Variants in APBA1 observed in about 807,000 individuals in gnomAD.
APBA1 encodes amyloid-beta A4 precursor protein-binding family A member 1.
In APBA1, 55 loss-of-function variants were observed where a neutral mutation model predicts 86.6. The observed-to-expected ratio is 0.64, with a 90% confidence interval of 0.51 to 0.80. The LOEUF is 0.80. Ranked by LOEUF, APBA1 falls within the 30% of genes least tolerant of loss-of-function variation. APBA1 has a pLI of 0.00. For missense variants in APBA1, 1,090 were observed against 1,183.0 expected (o/e 0.92, Z 1.15); for synonymous variants, 511 against 493.9 (o/e 1.03, Z -0.46).
chr9:69,617,854 TCTTA>T (rs1162641444), intron 1 of APBA1, among the ~76,000 whole-genome samples: 3 of 152,184 alleles, frequency 2.0e-5, no homozygotes, highest in African/African-American at 7.2e-5. Flanking sequence ...TCCTTTTAAA[TCTTA>T]CTTTCTTGCC....
At chr9:69,598,775 A>C (rs1400683482) in intron 1 of APBA1, among the ~76,000 whole-genome samples, 1 of 152,224 alleles carries the variant, frequency 6.6e-6, no homozygotes, top group Non-Finnish European at 1.5e-5. Flanking sequence ...TTGGGCCTGG[A>C]ATACACCAGG....
intron 2 of APBA1, among the ~76,000 whole-genome samples, chr9:69,500,732 A>G (rs1835868857): frequency 6.6e-6 from 1 of 151,946 alleles, no homozygotes; most frequent in African/African-American, 2.4e-5. Context: ...CCAAGACCCA[A>G]CCTCCAGAGG....
chr9:69,521,050 C>T lies in APBA1; in HGVS notation c.-69-3771G>A, dbSNP rs117462778. 3.0e-3 allele frequency among the ~76,000 whole-genome samples: 461 copies of T among 152,320 alleles called. 2 individuals carry two copies. Among genetic ancestry groups the T allele is most frequent in the Non-Finnish European group, 4.6e-3 (316 of 68,030 alleles). ...CCCAGGTACTACTAGGCATTTTCCA[C>T]GTGACACATTTAACCTTCACACTAG... On this transcript the variant is annotated intron_variant, in intron 1 of 12. Transcript: ENST00000265381.
At chr9:69,442,794 A>G (rs923974802) in intron 10 of APBA1, among the ~76,000 whole-genome samples, 1 of 152,254 alleles carries the variant, frequency 6.6e-6, no homozygotes, top group African/African-American at 2.4e-5. Context: ...AATCTTTTTC[A>G]GTGCGAGGTC....
At chr9:69,519,015 T>C (rs148988109) in intron 1 of APBA1, among the ~76,000 whole-genome samples, 2 of 152,362 alleles carry the variant, frequency 1.3e-5, no homozygotes, top group Non-Finnish European at 2.9e-5. Context: ...ACAATCTTTA[T>C]TGCTTCGCTA....
At chr9:69,483,524 G>A (rs2133848989) in intron 2 of APBA1, among the ~76,000 whole-genome samples, 1 of 152,094 alleles carries the variant, frequency 6.6e-6, no homozygotes, top group East Asian at 1.9e-4. Context: ...TGAGCATAGT[G>A]TGAAACAAAC....
rs905149200 is a variant in APBA1 at position 69,449,666 on chromosome 9, A to C, written c.2099T>G (p.Leu700Arg). 8.7e-6 allele frequency: 14 copies of C among 1,614,086 alleles called. No homozygotes were observed. The highest frequency in any genetic ancestry group is 1.1e-5 in the Non-Finnish European group (13 of 1,180,024). Residue 700 changes from leucine (L) to arginine (R), a missense_variant, in exon 10 of 13, where the codon CTG becomes CGG. By Grantham distance (102) the Leu-to-Arg change is moderately radical. This residue lies in a region of APBA1 where 97 missense variants were observed against 166.8 expected (regional missense o/e 0.58). Transcript: ENST00000265381. The part of the protein sequence containing the change: ...HGGPAEKSGK[L>R]NIGDQIMSIN... Reference sequence around the variant, plus strand: ...GGACATGATCTGGTCACCGATATTCAGCTTCCCAGATTTCTCCGCAGGGCC... The same window carrying C: ...GGACATGATCTGGTCACCGATATTCCGCTTCCCAGATTTCTCCGCAGGGCC...
chr9:69,519,391 C>T (rs556520905), intron 1 of APBA1, among the ~76,000 whole-genome samples: 7 of 152,186 alleles, frequency 4.6e-5, no homozygotes, highest in East Asian at 1.9e-4. Context: ...GTTGCTGCTA[C>T]GGGCCTCCAG....
chr9:69,510,359 T>A (rs1363198837), intron 2 of APBA1, among the ~76,000 whole-genome samples: 4 of 150,266 alleles, frequency 2.7e-5, no homozygotes, highest in Non-Finnish European at 5.9e-5. Context: ...GAATCCAACT[T>A]ACAAGGGATG....
At chr9:69,651,475 T>G (rs1235615558) in intron 1 of APBA1, among the ~76,000 whole-genome samples, 7 of 152,100 alleles carry the variant, frequency 4.6e-5, no homozygotes, top group African/African-American at 1.7e-4. Context: ...AATGACTGAC[T>G]GTATTTTTTT....
At chr9:69,663,643 T>C (rs1399426310) in intron 1 of APBA1, among the ~76,000 whole-genome samples, 4 of 152,238 alleles carry the variant, frequency 2.6e-5, no homozygotes, top group Non-Finnish European at 5.9e-5. Context: ...TTATTTGGAA[T>C]GGTGGCCAAT....
chr9:69,611,302 AAAC>A (rs1428268750), intron 1 of APBA1, among the ~76,000 whole-genome samples: 1 of 151,104 alleles, frequency 6.6e-6, no homozygotes, highest in Non-Finnish European at 1.5e-5. Context: ...AAAAAAAAAA[AAAC>A]AAAAAAAAAA....
At chr9:69,567,408 T>A (rs904427564) in intron 1 of APBA1, among the ~76,000 whole-genome samples, 5 of 152,076 alleles carry the variant, frequency 3.3e-5, no homozygotes, top group Non-Finnish European at 5.9e-5. Flanking sequence ...CTGTGAATTT[T>A]TTTATTTTTT....
At chr9:69,523,892 G>C (rs1475567604) in intron 1 of APBA1, among the ~76,000 whole-genome samples, 2 of 151,936 alleles carry the variant, frequency 1.3e-5, no homozygotes, top group Admixed American at 1.3e-4. Context: ...CATATTCTTG[G>C]ATCACAATGG....
In APBA1 at chr9:69,598,264, C is replaced by T. The variant is rs181473318; in HGVS notation, c.-70+73889G>A. Among the ~76,000 whole-genome samples, 5 of 151,316 alleles carry T rather than the reference C, an allele frequency of 3.3e-5. No homozygotes were observed. The South Asian group carries it at 1.0e-3, about 32-fold the overall frequency. On this transcript the variant is annotated intron_variant, in intron 1 of 12. Coordinates refer to ENST00000265381, the MANE Select transcript of APBA1 (RefSeq NM_001163.4). ...CACATGGACACAGGAAGGGGAATATCACACTCTGGGGACTGTGGTGGGGTG... is the reference window on the plus strand; with the variant it reads ...CACATGGACACAGGAAGGGGAATATTACACTCTGGGGACTGTGGTGGGGTG...
chr9:69,512,967 ATATCAT>A (rs1315820041), intron 2 of APBA1, among the ~76,000 whole-genome samples: 1 of 152,162 alleles, frequency 6.6e-6, no homozygotes, highest in Non-Finnish European at 1.5e-5. Flanking sequence ...ACAGAATATA[ATATCAT>A]TATATTCTCA....
chr9:69,452,289 CA>C lies in APBA1; in HGVS notation c.1800del (p.Ile600MetfsTer46). 1 of 1,614,082 alleles carries C rather than the reference CA, an allele frequency of 6.2e-7. No homozygotes were observed. Among genetic ancestry groups the C allele is most frequent in the Non-Finnish European group, 8.5e-7 (1 of 1,179,980 alleles). On this transcript the variant is annotated frameshift_variant, in exon 9 of 13. Transcript: ENST00000265381. LOFTEE classifies it high-confidence loss of function. ...CTAAATGCCTGTCCGATGGACTGTG[CA>C]ATCAGCTGAGCCTGGAACAGCAGCC... ...HVFESEDAQL[I>X]AQSIGQAFSV...
At chr9:69,568,466 G>A (rs1837065059) in intron 1 of APBA1, among the ~76,000 whole-genome samples, 1 of 152,150 alleles carries the variant, frequency 6.6e-6, no homozygotes, top group Admixed American at 6.5e-5. Flanking sequence ...CAGCCAGAAT[G>A]CATGCATTAT....
intron 1 of APBA1, among the ~76,000 whole-genome samples, chr9:69,560,194 G>C (rs184902030): frequency 6.6e-6 from 1 of 152,074 alleles, no homozygotes; most frequent in Non-Finnish European, 1.5e-5. Context: ...TGGTTCTTTT[G>C]AACTGCCACT....
Sources: gnomAD v4.1 joint callset for allele counts (sites outside exome capture counted in the v4.1 genomes callset) on GRCh38, gnomAD v4.1.1 for gene constraint, gnomAD v4.1.1 regional missense constraint, MANE v1.5 for transcripts, NCBI Gene and HGNC (gene_info 2026-07-23, HGNC 2026-07-21) for gene names.